Variants in RIN2 observed in about 807,000 individuals in gnomAD.
RIN2 encodes the protein Ras and Rab interactor 2.
Under a neutral mutation model 78.0 loss-of-function variants are expected in RIN2, and 36 were observed. The ratio of observed to expected loss-of-function variants is 0.46; its 90% CI spans 0.35 to 0.61. The LOEUF (loss-of-function observed/expected upper bound fraction) is 0.61, where lower values mean the gene tolerates loss of function less well. Ranked by LOEUF, RIN2 falls within the 20% of genes least tolerant of loss-of-function variation. RIN2 has a pLI of 0.00. For synonymous variants in RIN2, 466 were observed against 466.8 expected, an observed-to-expected ratio of 1.00 and a Z score of 0.02; for missense variants, 1,087 against 1,159.7, an observed-to-expected ratio of 0.94 and a Z score of 0.91.
intron 2 of RIN2, among the ~76,000 whole-genome samples, chr20:19,874,777 G>A (rs1403167853): frequency 6.6e-6 from 1 of 152,182 alleles, no homozygotes; most frequent in African/African-American, 2.4e-5. Context: ...AGATTGAATA[G>A]TTGAGTTGGT....
At chr20:19,948,183 G>A (rs542415323) in intron 4 of RIN2, among the ~76,000 whole-genome samples, 114 of 126,174 alleles carry the variant, frequency 9.0e-4, no homozygotes, top group East Asian at 3.3e-3. Context: ...ACAGCTGCTC[G>A]CACAGACACA....
At chr20:19,916,692 G>A (rs1207814634) in intron 3 of RIN2, among the ~76,000 whole-genome samples, 6 of 152,328 alleles carry the variant, frequency 3.9e-5, no homozygotes, top group East Asian at 1.9e-4. Flanking sequence ...GGGGAACCCC[G>A]CATACTTTAT....
At chr20:19,899,323 A>G (rs1446778909) in intron 3 of RIN2, among the ~76,000 whole-genome samples, 1 of 152,202 alleles carries the variant, frequency 6.6e-6, no homozygotes, top group African/African-American at 2.4e-5. Context: ...TCAGATATGT[A>G]CATATATATG....
chr20:19,891,306 G>C (rs888952759), intron 3 of RIN2, among the ~76,000 whole-genome samples: 1 of 152,172 alleles, frequency 6.6e-6, no homozygotes, highest in Non-Finnish European at 1.5e-5. Context: ...AGCCCACCAG[G>C]TTGCCCAATT....
intron 2 of RIN2, among the ~76,000 whole-genome samples, chr20:19,863,611 C>T (rs992569649): frequency 1.3e-5 from 2 of 152,174 alleles, no homozygotes; most frequent in Non-Finnish European, 2.9e-5. Flanking sequence ...GCTTGAAAAT[C>T]ATCCTCCTCT....
intron 3 of RIN2, among the ~76,000 whole-genome samples, chr20:19,930,438 A>G (rs1426977370): frequency 6.6e-6 from 1 of 152,246 alleles, no homozygotes; most frequent in African/African-American, 2.4e-5. Flanking sequence ...GTACCCAGAC[A>G]AAAACAGCCT....
At chr20:19,886,632 G>C in intron 2 of RIN2, 2 of 267,024 alleles carry the variant, frequency 7.5e-6, no homozygotes, top group East Asian at 5.6e-5. Context: ...TTTTTTTTTT[G>C]CTAGCTTTTA....
intron 3 of RIN2, among the ~76,000 whole-genome samples, chr20:19,892,513 T>G (rs1299158286): frequency 6.6e-6 from 1 of 152,184 alleles, no homozygotes; most frequent in Non-Finnish European, 1.5e-5. Context: ...ACGCCCAGCC[T>G]TGTTTAATTT....
intron 2 of RIN2, among the ~76,000 whole-genome samples, chr20:19,815,967 G>T (rs2035754699): frequency 6.6e-6 from 1 of 152,196 alleles, no homozygotes; most frequent in Admixed American, 6.5e-5. Context: ...TGTTGAAAAA[G>T]ATAAACGTCT....
intron 2 of RIN2, among the ~76,000 whole-genome samples, chr20:19,852,814 C>T (rs1307878633): frequency 4.6e-5 from 7 of 152,034 alleles, no homozygotes; most frequent in Non-Finnish European, 8.8e-5. Context: ...TTAAGACTGT[C>T]GCTTAGGATA....
intron 9 of RIN2, among the ~76,000 whole-genome samples, chr20:19,977,444 A>C (rs1383475049): frequency 6.6e-6 from 1 of 152,226 alleles, no homozygotes; most frequent in African/African-American, 2.4e-5. Flanking sequence ...CTCTAGAAGG[A>C]TGCAGCCTTT....
intron 2 of RIN2, among the ~76,000 whole-genome samples, chr20:19,874,573 C>G (rs1179918099): frequency 6.6e-6 from 1 of 152,132 alleles, no homozygotes; most frequent in African/African-American, 2.4e-5. Flanking sequence ...CTTTGGCTGC[C>G]TTCTCTTCCC....
At chr20:19,976,144 G>T (rs531705771) in intron 9 of RIN2, among the ~76,000 whole-genome samples, 1 of 152,306 alleles carries the variant, frequency 6.6e-6, no homozygotes, top group African/African-American at 2.4e-5. Flanking sequence ...AGGTAGTTTT[G>T]TTATCTTCTG....
intron 3 of RIN2, among the ~76,000 whole-genome samples, chr20:19,914,619 C>T (rs1236352664): frequency 6.6e-6 from 1 of 152,184 alleles, no homozygotes; most frequent in Non-Finnish European, 1.5e-5. Context: ...ACTGGATATA[C>T]CGACCTGGGA....
At chr20:19,935,570 G>GA in intron 4 of RIN2, 40 of 1,012,610 alleles carry the variant, frequency 4.0e-5, no homozygotes, top group Non-Finnish European at 4.6e-5. Context: ...GCTTACAGGG[G>GA]AGCAGCTAAA....
At chr20:19,952,353 C>G (rs983500159) in intron 4 of RIN2, among the ~76,000 whole-genome samples, 1 of 152,182 alleles carries the variant, frequency 6.6e-6, no homozygotes, top group Non-Finnish European at 1.5e-5. Context: ...AGGAGGGGCT[C>G]TAGGTGGAGC....
At chr20:19,760,221 C>T (rs2033581729) in intron 1 of RIN2, among the ~76,000 whole-genome samples, 1 of 152,150 alleles carries the variant, frequency 6.6e-6, no homozygotes, top group Non-Finnish European at 1.5e-5. Context: ...CAGTGAAGGG[C>T]CCTTGCTTTT....
intron 2 of RIN2, among the ~76,000 whole-genome samples, chr20:19,839,349 C>G (rs1443265627): frequency 6.6e-6 from 1 of 152,216 alleles, no homozygotes. Flanking sequence ...CTGCCTACAG[C>G]TTTCATGGGC....
rs574427156 is a variant in RIN2, at chr20:19,948,938, G to T, written c.159-7677G>T. ...CTCCTTCTGCCTCCGAAAATGCTGG[G>T]ATTATAGGTACAGGCCACTGCACCA... On this transcript the variant is annotated intron_variant, in intron 4 of 12. Transcript: ENST00000255006. 1.2e-4 allele frequency among the ~76,000 whole-genome samples: 18 copies of T among 151,814 alleles called. 1 individual carries two copies. The South Asian group carries it at 3.8e-3, about 32-fold the overall frequency.
Sources: allele counts gnomAD v4.1 joint callset (sites outside exome capture counted in the v4.1 genomes callset), GRCh38; gene constraint gnomAD v4.1.1; transcripts MANE v1.5; gene names NCBI Gene and HGNC (gene_info 2026-07-23, HGNC 2026-07-21).